PRUNE2: variants seen among roughly 807,000 people sequenced by gnomAD.
The protein encoded by PRUNE2 is prune homolog 2 with BCH domain.
A neutral mutation model predicts 252.0 loss-of-function variants in PRUNE2; 164 were observed. The observed-to-expected ratio is 0.65, with a 90% CI of 0.57 to 0.74. The LOEUF (loss-of-function observed/expected upper bound fraction) is 0.74. Ranked by LOEUF, PRUNE2 falls within the 30% of genes least tolerant of loss-of-function variation. PRUNE2 has a pLI of 0.00. For synonymous variants in PRUNE2, 1,292 were observed against 1,350.2 expected (o/e 0.96, Z 0.94); for missense variants, 3,495 against 3,711.0 (o/e 0.94, Z 1.51).
Position 76,709,758 on chromosome 9 carries a change from C to T in PRUNE2, c.2516G>A (p.Ser839Asn). The change falls in exon 8 of 19, where the codon AGT becomes AAT. Residue 839 changes from serine to asparagine, a missense_variant. Transcript: ENST00000376718. ...TTCTGAAGAAGAAAAGGCAAACCCA[C>T]TTTTTGCCATGGCCCACTCATTCGG... is the stretch of plus-strand genomic sequence containing the variant. ...RDPNEWAMAK[S>N]GFAFSSSELL... 6.2e-7 allele frequency: 1 copy of T among 1,614,004 alleles called. No homozygotes were observed.
At chr9:76,675,946 G>C (rs1225323018) in intron 9 of PRUNE2, among the ~76,000 whole-genome samples, 2 of 143,880 alleles carry the variant, frequency 1.4e-5, no homozygotes, top group Non-Finnish European at 3.0e-5. Context: ...GGATATCATC[G>C]GGAGATATAC....
At chr9:76,874,783 A>T (rs1037995605) in intron 1 of PRUNE2, among the ~76,000 whole-genome samples, 3 of 152,182 alleles carry the variant, frequency 2.0e-5, no homozygotes, top group Admixed American at 1.3e-4. Flanking sequence ...GAAATTTCTT[A>T]AAAGGGTAGA....
chr9:76,705,911 G>A lies in PRUNE2; in HGVS notation c.6363C>T (p.Leu2121=). The A allele has an allele frequency of 6.2e-7, 1 of 1,613,942 alleles. No individual in the cohort carries two copies. Among genetic ancestry groups the A allele is most frequent in the Non-Finnish European group, 8.5e-7 (1 of 1,179,886 alleles). ...CCACTTCAGGTCCCATGCAAGCACT[G>A]AGGTGCTTCTCAGTCTCTTGCTTTG... ...SEAKQETEKH[L]SACMGPEVES... The change falls in exon 8 of 19, where the codon CTC becomes CTT. Residue 2121 remains leucine, a synonymous_variant. Transcript: ENST00000376718.
chr9:76,885,562 C>A (rs2062038096), intron 1 of PRUNE2, among the ~76,000 whole-genome samples: 1 of 152,200 alleles, frequency 6.6e-6, no homozygotes, highest in Non-Finnish European at 1.5e-5. Context: ...CTACTTCCTA[C>A]ATGATAAACA....
At chr9:76,840,906 G>A (rs895229928) in intron 4 of PRUNE2, among the ~76,000 whole-genome samples, 2 of 151,966 alleles carry the variant, frequency 1.3e-5, no homozygotes, top group East Asian at 1.9e-4. Flanking sequence ...GCTTGAACCC[G>A]AGAGGCGGAG....
At chr9:76,805,104 G>A (rs575784690) in intron 6 of PRUNE2, among the ~76,000 whole-genome samples, 2 of 152,154 alleles carry the variant, frequency 1.3e-5, no homozygotes, top group African/African-American at 4.8e-5. Flanking sequence ...TGACATCTTC[G>A]AAGGTTTCTG....
At chr9:76,892,591 T>C (rs563829320) in intron 1 of PRUNE2, among the ~76,000 whole-genome samples, 1 of 152,164 alleles carries the variant, frequency 6.6e-6, no homozygotes, top group Non-Finnish European at 1.5e-5. Context: ...GATGTTGATT[T>C]TGAATACTAT....
chr9:76,647,197 A>ACTTT (rs1339070719), intron 11 of PRUNE2, among the ~76,000 whole-genome samples: 1 of 152,178 alleles, frequency 6.6e-6, no homozygotes, highest in Middle Eastern at 3.2e-3. Context: ...ATTGTATACT[A>ACTTT]CTTTCTTTAT....
chr9:76,750,168 G>C (rs1315762402), intron 6 of PRUNE2, among the ~76,000 whole-genome samples: 1 of 152,018 alleles, frequency 6.6e-6, no homozygotes, highest in Non-Finnish European at 1.5e-5. Flanking sequence ...TTATATATTA[G>C]TAATAAACCA....
chr9:76,876,096 A>G (rs941862515), intron 1 of PRUNE2, among the ~76,000 whole-genome samples: 2 of 152,226 alleles, frequency 1.3e-5, no homozygotes, highest in Non-Finnish European at 2.9e-5. Flanking sequence ...AGAGAAAATC[A>G]TCTCTACAAA....
chr9:76,627,064 A>G (rs929992012), intron 16 of PRUNE2, among the ~76,000 whole-genome samples: 3 of 151,714 alleles, frequency 2.0e-5, no homozygotes, highest in Non-Finnish European at 4.4e-5. Flanking sequence ...TTGTCATCTT[A>G]TAGAATGTGA....
chr9:76,625,871 T>C (rs1834471441), intron 16 of PRUNE2, among the ~76,000 whole-genome samples: 1 of 152,190 alleles, frequency 6.6e-6, no homozygotes, highest in Non-Finnish European at 1.5e-5. Context: ...GCTGTTCAAA[T>C]TGGCTTCCAA....
intron 6 of PRUNE2, among the ~76,000 whole-genome samples, chr9:76,736,180 G>C (rs1205884474): frequency 6.6e-6 from 1 of 151,760 alleles, no homozygotes; most frequent in Non-Finnish European, 1.5e-5. Flanking sequence ...TTTGTAAAGG[G>C]ATACTTTTTC....
chr9:76,806,339 G>GT (rs1278172813), intron 6 of PRUNE2, among the ~76,000 whole-genome samples: 1 of 152,106 alleles, frequency 6.6e-6, no homozygotes, highest in Non-Finnish European at 1.5e-5. Flanking sequence ...TGTTTCTTCA[G>GT]TTTGCACTTG....
rs7870791 is a variant in PRUNE2, at chr9:76,632,186, G to C, written c.9051-2896C>G. On this transcript the variant is annotated intron_variant, in intron 15 of 18. Transcript: ENST00000376718. ...CAGTAATGGGATTGGCAGGTCAAATGGTACTTCTGTTTTAAGTTCTTTGAG... is the reference window on the plus strand; with the variant it reads ...CAGTAATGGGATTGGCAGGTCAAATCGTACTTCTGTTTTAAGTTCTTTGAG... 9.5e-3 allele frequency among the ~76,000 whole-genome samples: 1,442 copies of C among 152,214 alleles called. 31 individuals are homozygous for C. The highest frequency in any genetic ancestry group is 0.033 in the African/African-American group (1,363 of 41,548).
intron 5 of PRUNE2, among the ~76,000 whole-genome samples, chr9:76,826,241 A>C (rs2058337418): frequency 6.6e-6 from 1 of 152,158 alleles, no homozygotes; most frequent in Non-Finnish European, 1.5e-5. Context: ...TGGGAGGCCG[A>C]TGCAGGTGGA....
intron 6 of PRUNE2, among the ~76,000 whole-genome samples, chr9:76,735,732 T>C (rs910012453): frequency 6.6e-5 from 10 of 152,332 alleles, no homozygotes; most frequent in Non-Finnish European, 1.3e-4. Flanking sequence ...CAATATTGGC[T>C]TTTCTACATA....
intron 6 of PRUNE2, among the ~76,000 whole-genome samples, chr9:76,812,699 T>C (rs1237861111): frequency 1.3e-5 from 2 of 152,176 alleles, no homozygotes; most frequent in Non-Finnish European, 2.9e-5. Flanking sequence ...CAGAAGGATT[T>C]ATAGAAGAGA....
intron 9 of PRUNE2, among the ~76,000 whole-genome samples, chr9:76,671,065 C>G (rs183368596): frequency 6.6e-6 from 1 of 152,198 alleles, no homozygotes; most frequent in African/African-American, 2.4e-5. Flanking sequence ...ATGACTTTGA[C>G]GAGCTGAGAG....
Sources: gnomAD v4.1 joint callset for allele counts (sites outside exome capture counted in the v4.1 genomes callset) on GRCh38, gnomAD v4.1.1 for gene constraint, MANE v1.5 for transcripts, NCBI Gene and HGNC (gene_info 2026-07-23, HGNC 2026-07-21) for gene names.